TNKS: variants seen among roughly 807,000 people sequenced by gnomAD.
The protein encoded by TNKS is poly [ADP-ribose] polymerase tankyrase-1.
TNKS carries 72 observed loss-of-function variants against 135.8 expected under a neutral mutation model. The ratio of observed to expected loss-of-function variants is 0.53; its 90% confidence interval spans 0.44 to 0.64. The LOEUF is 0.64. Ranked by LOEUF, TNKS falls within the 30% of genes least tolerant of loss-of-function variation. The pLI is 0.00. For missense variants in TNKS, 1,769 were observed against 1,674.0 expected (o/e 1.06, Z -0.99); for synonymous variants, 849 against 649.3 (o/e 1.31, Z -4.68).
intron 3 of TNKS, among the ~76,000 whole-genome samples, chr8:9,616,749 T>C (rs1421654515): frequency 6.6e-6 from 1 of 152,222 alleles, no homozygotes; most frequent in East Asian, 1.9e-4. Context: ...CAAAGATTAG[T>C]GTATTTAGTT....
At chr8:9,665,992 C>T (rs1801969771) in intron 3 of TNKS, among the ~76,000 whole-genome samples, 2 of 152,092 alleles carry the variant, frequency 1.3e-5, no homozygotes, top group Non-Finnish European at 2.9e-5. Flanking sequence ...CTCTGTCCTC[C>T]AAATAAATGT....
chr8:9,727,882 AGGGAGAAATT>A (rs1217704921), intron 13 of TNKS, among the ~76,000 whole-genome samples: 1 of 152,224 alleles, frequency 6.6e-6, no homozygotes, highest in Non-Finnish European at 1.5e-5. Context: ...GATAGCCACT[AGGGAGAAATT>A]TTTATGTTGT....
At chr8:9,749,893 C>T (rs191291987) in intron 18 of TNKS, among the ~76,000 whole-genome samples, 204 of 152,278 alleles carry the variant, frequency 1.3e-3, no homozygotes, top group Non-Finnish European at 1.2e-3. Flanking sequence ...TAGAAATTTT[C>T]GGGACCCTGA....
intron 2 of TNKS, among the ~76,000 whole-genome samples, chr8:9,612,823 C>G (rs1198218225): frequency 6.8e-6 from 1 of 146,290 alleles, no homozygotes; most frequent in African/African-American, 2.6e-5. Flanking sequence ...GACCAGAAGC[C>G]TTTTCGATAA....
intron 3 of TNKS, among the ~76,000 whole-genome samples, chr8:9,651,038 T>C (rs945026907): frequency 3.3e-4 from 9 of 27,640 alleles, no homozygotes; most frequent in African/African-American, 7.5e-4. Flanking sequence ...ACATGTGCCT[T>C]GCCAATTATA....
intron 3 of TNKS, among the ~76,000 whole-genome samples, chr8:9,647,329 T>C (rs1225722012): frequency 3.3e-5 from 5 of 152,216 alleles, no homozygotes; most frequent in Non-Finnish European, 7.3e-5. Flanking sequence ...AGTTGGATTT[T>C]GCCCCTTTTT....
At chr8:9,760,855 GA>G (rs1234545890) in intron 20 of TNKS, among the ~76,000 whole-genome samples, 2 of 152,200 alleles carry the variant, frequency 1.3e-5, no homozygotes, top group African/African-American at 4.8e-5. Context: ...GTATTTTAAG[GA>G]GAAGGGATTA....
intron 1 of TNKS, 39 bp from the exon 2 acceptor site, chr8:9,580,120 T>C (rs1798112071): frequency 6.4e-7 from 1 of 1,564,574 alleles, no homozygotes; most frequent in African/African-American, 1.4e-5. Flanking sequence ...TTTTACAAAA[T>C]CAAATATATA....
intron 21 of TNKS, among the ~76,000 whole-genome samples, chr8:9,762,862 G>C (rs146228171): frequency 0.1 from 15,347 of 149,824 alleles, 1,024 homozygotes; most frequent in African/African-American, 0.18. Flanking sequence ...CCGAGATCAC[G>C]TCACTGCACT....
intron 3 of TNKS, among the ~76,000 whole-genome samples, chr8:9,630,163 C>T (rs1252625947): frequency 6.6e-6 from 1 of 152,148 alleles, no homozygotes; most frequent in Non-Finnish European, 1.5e-5. Context: ...GCCTGATTCC[C>T]ACCCCTGACT....
chr8:9,650,434 A>T (rs35757213), intron 3 of TNKS, among the ~76,000 whole-genome samples: 2 of 152,142 alleles, frequency 1.3e-5, no homozygotes, highest in Non-Finnish European at 2.9e-5. Flanking sequence ...CATTCCCACC[A>T]GTAGTGTAAA....
intron 2 of TNKS, among the ~76,000 whole-genome samples, chr8:9,589,226 C>G (rs1397621762): frequency 6.6e-6 from 1 of 152,178 alleles, no homozygotes; most frequent in Non-Finnish European, 1.5e-5. Flanking sequence ...ATACTAGAAG[C>G]AGGACATACA....
chr8:9,768,909 C>G (rs1807627459), intron 25 of TNKS, among the ~76,000 whole-genome samples: 1 of 152,160 alleles, frequency 6.6e-6, no homozygotes, highest in South Asian at 2.1e-4. Context: ...CTGGATCCAG[C>G]ACAAATTTTA....
chr8:9,675,473 G>A (rs1802494931), intron 3 of TNKS, among the ~76,000 whole-genome samples: 2 of 152,286 alleles, frequency 1.3e-5, no homozygotes, highest in South Asian at 4.1e-4. Context: ...ATTAAGGTAT[G>A]CTATGGAAAA....
Position 9,729,557 on chromosome 8 carries a change from G to A in TNKS, c.2002-1333G>A, listed in dbSNP as rs1805322591. On this transcript the variant is annotated intron_variant, in intron 13 of 26. Coordinates refer to ENST00000310430, the MANE Select transcript of TNKS (RefSeq NM_003747.3). ...AGGAAAGTAAGCGATGATGCATGAT[G>A]TAGCAGAAAGACTAAGAGGTTAAAA... Among the ~76,000 whole-genome samples, 3 of 152,148 alleles carry A rather than the reference G, an allele frequency of 2.0e-5. No homozygotes were observed. In the South Asian group the frequency reaches 6.2e-4, roughly 32 times the overall value.
rs779174328 is a variant in TNKS, at chr8:9,720,381, C to A, written c.1757C>A (p.Ala586Glu). 1.9e-6 allele frequency: 3 copies of A among 1,602,894 alleles called. No homozygotes were observed. The highest frequency in any genetic ancestry group is 2.6e-6 in the Non-Finnish European group (3 of 1,175,320). The stretch of plus-strand genomic sequence containing the variant: ...CACGCAATGATTTTTCAGATGAATG[C>A]ACTGGACACCCTTGGTCAGACTGCT... ...VLHKHGAKMNALDTLGQTALH... is the reference protein window; with the variant it reads ...VLHKHGAKMNELDTLGQTALH... The change falls in exon 12 of 27, where the codon GCA (alanine) becomes GAA (glutamate). Residue 586 changes from alanine (A) to glutamate (E), a missense_variant. Physicochemically the swap from Ala to Glu is moderately radical, Grantham distance 107. Coordinates refer to ENST00000310430, the MANE Select transcript of TNKS (RefSeq NM_003747.3).
intron 5 of TNKS, among the ~76,000 whole-genome samples, chr8:9,700,913 A>C (rs1803768616): frequency 6.8e-6 from 1 of 148,052 alleles, no homozygotes; most frequent in Admixed American, 7.0e-5. Context: ...AAAACTAGTT[A>C]AATTTTTCTT....
In TNKS at chr8:9,704,602, A is replaced by T. The variant is rs762334213; in HGVS notation, c.1108-61A>T. On this transcript the variant is annotated intron_variant, in intron 5 of 26. Coordinates refer to ENST00000310430, the MANE Select transcript of TNKS (RefSeq NM_003747.3). ...CATTGTGTTTAAATCTGAAATGGCA[A>T]AGCAAGGATTTTCTTTGTTTGTTTG... The T allele has an allele frequency of 3.6e-5, 50 of 1,406,230 alleles. No homozygotes were observed. The South Asian group carries it at 5.2e-4, about 15-fold the overall frequency. The allele number at this position is 1,406,230 out of a possible 1,614,324, so 87.1% of individuals were successfully genotyped here. A position where few individuals can be genotyped will look rare whatever the true frequency, so the allele number is the denominator to read the frequency against.
At chr8:9,721,725 A>T (rs1804889832) in intron 12 of TNKS, among the ~76,000 whole-genome samples, 1 of 152,110 alleles carries the variant, frequency 6.6e-6, no homozygotes, top group African/African-American at 2.4e-5. Flanking sequence ...AATATGACCT[A>T]ACTGTATAGG....
Sources: allele counts gnomAD v4.1 joint callset (sites outside exome capture counted in the v4.1 genomes callset), GRCh38; gene constraint gnomAD v4.1.1; transcripts MANE v1.5; gene names NCBI Gene and HGNC (gene_info 2026-07-23, HGNC 2026-07-21).